PAK2: variants seen among roughly 807,000 people sequenced by gnomAD.
The protein encoded by PAK2 is serine/threonine-protein kinase PAK 2.
Under a neutral mutation model 65.9 loss-of-function variants are expected in PAK2, and 21 were observed. The observed-to-expected ratio is 0.32, with a 90% confidence interval of 0.23 to 0.46. PAK2 has a LOEUF of 0.46. PAK2 is among the 20% of genes least tolerant of loss of function. The pLI, the probability that PAK2 is intolerant of heterozygous loss-of-function variation, is 1.00. For synonymous variants in PAK2, 204 were observed against 219.7 expected (o/e 0.93, Z 0.63); for missense variants, 324 against 642.6 (o/e 0.50, Z 5.36).
intron 9 of PAK2, 77 bp downstream of exon 9, chr3:196,812,344 G>A: frequency 1.1e-6 from 1 of 870,464 alleles, no homozygotes; most frequent in South Asian, 1.3e-5. Flanking sequence ...CTGGGAAGAA[G>A]CAATAGGAAC....
intron 13 of PAK2, among the ~76,000 whole-genome samples, chr3:196,821,080 A>G (rs1257787885): frequency 6.6e-6 from 1 of 151,988 alleles, no homozygotes; most frequent in Non-Finnish European, 1.5e-5. Flanking sequence ...ACCTCAGTTG[A>G]TCCACTCGCC....
intron 1 of PAK2, among the ~76,000 whole-genome samples, chr3:196,765,008 C>T (rs1349084283): frequency 1.3e-5 from 2 of 150,604 alleles, no homozygotes; most frequent in African/African-American, 2.4e-5. Context: ...CCACGCCCAG[C>T]TAATTTTTTG....
intron 2 of PAK2, among the ~76,000 whole-genome samples, chr3:196,796,288 G>A (rs893806959): frequency 6.6e-6 from 1 of 152,162 alleles, no homozygotes; most frequent in African/African-American, 2.4e-5. Flanking sequence ...CTTGTAACAT[G>A]GATGAATCCC....
At chr3:196,757,870 C>T (rs141855614) in intron 1 of PAK2, among the ~76,000 whole-genome samples, 28 of 152,136 alleles carry the variant, frequency 1.8e-4, no homozygotes, top group Admixed American at 3.9e-4. Context: ...CTTGAACATA[C>T]GGTGCTTAAG....
At chr3:196,773,911 G>C (rs182101868) in intron 1 of PAK2, among the ~76,000 whole-genome samples, 22 of 151,868 alleles carry the variant, frequency 1.4e-4, no homozygotes, top group Admixed American at 1.4e-3. Flanking sequence ...GCGTGGTGGC[G>C]CACTCCTGTA....
At chr3:196,804,463 G>A (rs935428514) in intron 4 of PAK2, among the ~76,000 whole-genome samples, 12 of 132,098 alleles carry the variant, frequency 9.1e-5, no homozygotes, top group South Asian at 2.1e-4. Context: ...ACGCGCGTGC[G>A]TGTGTGTGTT....
intron 7 of PAK2, among the ~76,000 whole-genome samples, chr3:196,808,716 C>T (rs1487263517): frequency 5.3e-5 from 8 of 151,548 alleles, no homozygotes; most frequent in Admixed American, 5.3e-4. Flanking sequence ...CAAAAATTAG[C>T]AAGGTGTCAT....
chr3:196,828,148 A>G (rs1283290939), intron 14 of PAK2, among the ~76,000 whole-genome samples, 171 bp from the exon 15 acceptor site: 2 of 152,210 alleles, frequency 1.3e-5, no homozygotes, highest in African/African-American at 4.8e-5. Flanking sequence ...CTTTCATTCA[A>G]CTCTGAAAGT....
chr3:196,762,727 G>A (rs866328652), intron 1 of PAK2, among the ~76,000 whole-genome samples: 3 of 151,724 alleles, frequency 2.0e-5, no homozygotes, highest in African/African-American at 4.8e-5. Context: ...CCGGGGAGGC[G>A]GAGGTTGCAG....
intron 10 of PAK2, 28 bp downstream of exon 10, chr3:196,812,879 G>A: frequency 1.0e-6 from 1 of 966,416 alleles, no homozygotes; most frequent in Non-Finnish European, 1.6e-6. Context: ...TTAAACACCG[G>A]GAGAAAATGT....
chr3:196,745,995 CTTT>C (rs1316469439), intron 1 of PAK2, among the ~76,000 whole-genome samples: 8 of 132,996 alleles, frequency 6.0e-5, no homozygotes, highest in African/African-American at 2.0e-4. Flanking sequence ...TTTTTTTTTT[CTTT>C]TTCTTTCTTT....
At chr3:196,762,651 G>A (rs551919705) in intron 1 of PAK2, among the ~76,000 whole-genome samples, 29 of 151,864 alleles carry the variant, frequency 1.9e-4, no homozygotes, top group African/African-American at 6.8e-4. Context: ...GTCCAGCTTC[G>A]GCTCCGCATG....
At chr3:196,741,418 G>C (rs753427988) in intron 1 of PAK2, among the ~76,000 whole-genome samples, 8 of 152,182 alleles carry the variant, frequency 5.3e-5, no homozygotes, top group Non-Finnish European at 1.0e-4. Context: ...ACTCATGCTC[G>C]TGTATATATG....
At chr3:196,826,323 C>T (rs1379755308) in intron 13 of PAK2, among the ~76,000 whole-genome samples, 3 of 152,036 alleles carry the variant, frequency 2.0e-5, no homozygotes, top group Non-Finnish European at 4.4e-5. Context: ...AGGCGCCCAC[C>T]ACCACGCCCG....
chr3:196,803,879 G>A (rs1715496343), intron 4 of PAK2, among the ~76,000 whole-genome samples: 2 of 152,194 alleles, frequency 1.3e-5, no homozygotes, highest in Admixed American at 1.3e-4. Flanking sequence ...GTAAGAGTTG[G>A]TGTAGTGGAT....
At chr3:196,823,401 C>T (rs1050951675) in intron 13 of PAK2, among the ~76,000 whole-genome samples, 7 of 152,076 alleles carry the variant, frequency 4.6e-5, no homozygotes, top group African/African-American at 1.4e-4. Context: ...GTGGCCTTCA[C>T]TGTGGCAAAA....
intron 7 of PAK2, among the ~76,000 whole-genome samples, chr3:196,810,345 A>G (rs1715735293): frequency 6.6e-6 from 1 of 152,074 alleles, no homozygotes; most frequent in African/African-American, 2.4e-5. Flanking sequence ...AATGGAAATA[A>G]TGTGTCTTCT....
intron 13 of PAK2, among the ~76,000 whole-genome samples, chr3:196,824,553 T>C (rs1711765093): frequency 6.6e-6 from 1 of 152,154 alleles, no homozygotes; most frequent in Non-Finnish European, 1.5e-5. Flanking sequence ...TAAAAATGAT[T>C]AGTGGTTATG....
intron 1 of PAK2, among the ~76,000 whole-genome samples, chr3:196,750,851 A>T (rs903602057): frequency 3.3e-5 from 5 of 151,784 alleles, no homozygotes; most frequent in Admixed American, 2.0e-4. Flanking sequence ...TTAATGATTA[A>T]TTGTTGCTTT....
Sources: allele counts gnomAD v4.1 joint callset (sites outside exome capture counted in the v4.1 genomes callset), GRCh38; gene constraint gnomAD v4.1.1; transcripts MANE v1.5; gene names NCBI Gene and HGNC (gene_info 2026-07-23, HGNC 2026-07-21).